The following GPHN variants were observed in gnomAD, a reference collection of about 807,000 sequenced individuals.
GPHN encodes gephyrin.
A neutral mutation model predicts 95.5 loss-of-function variants in GPHN; 17 were observed. The observed-to-expected ratio is 0.18, with a 90% CI of 0.12 to 0.27. The LOEUF is 0.27. Ranked by LOEUF, GPHN falls within the 10% of genes least tolerant of loss-of-function variation. GPHN has a pLI of 1.00. For missense variants in GPHN, 660 were observed against 978.1 expected, an observed-to-expected ratio of 0.67 and a Z score of 4.34; for synonymous variants, 320 against 322.5, an observed-to-expected ratio of 0.99 and a Z score of 0.08.
chr14:66,766,415 A>G (rs1252757719), intron 2 of GPHN, among the ~76,000 whole-genome samples: 1 of 152,286 alleles, frequency 6.6e-6, no homozygotes, highest in Middle Eastern at 3.4e-3. Flanking sequence ...TGAAAAAAAG[A>G]GAAAAACTAT....
the GPHN span, chr14:67,312,862 C>T: frequency 1.4e-4 from 83 of 575,996 alleles, no homozygotes; most frequent in East Asian, 5.5e-4. Flanking sequence ...GTACCTGCAG[C>T]GTAAGTATAT....
intron 5 of GPHN, among the ~76,000 whole-genome samples, chr14:66,899,141 T>C (rs978452258): frequency 1.1e-4 from 16 of 151,524 alleles, no homozygotes; most frequent in Non-Finnish European, 2.4e-4. Flanking sequence ...TTTTTTGTTT[T>C]TTGTTTTGTT....
At chr14:67,562,119 T>C in the GPHN span, 2 of 1,611,144 alleles carry the variant, frequency 1.2e-6, no homozygotes, top group East Asian at 4.5e-5. Flanking sequence ...AATGTGACTG[T>C]TTTTACCCGA....
chr14:67,574,431 A>T, the GPHN span: 15 of 1,474,072 alleles, frequency 1.0e-5, no homozygotes, highest in Non-Finnish European at 1.4e-5. This position sits in a 1 kb window ranked among gnomAD's most constrained non-coding sequence, Gnocchi z 4.2. Flanking sequence ...TAGGGCAGGA[A>T]CATGTGCCTC....
chr14:67,468,096 C>A, the GPHN span, among the ~76,000 whole-genome samples: 1 of 152,112 alleles, frequency 6.6e-6, no homozygotes, highest in Non-Finnish European at 1.5e-5. Context: ...GCCTCAGCCT[C>A]CCGAGTAGCT....
the GPHN span, among the ~76,000 whole-genome samples, chr14:67,316,564 T>C: frequency 6.6e-6 from 1 of 152,196 alleles, no homozygotes; most frequent in Non-Finnish European, 1.5e-5. Context: ...AATGAAACCT[T>C]TTAAAAAGTT....
intron 2 of GPHN, among the ~76,000 whole-genome samples, chr14:66,768,791 G>A (rs900473107): frequency 6.6e-6 from 1 of 151,916 alleles, no homozygotes; most frequent in African/African-American, 2.4e-5. Context: ...ACTCAGTAAA[G>A]GTAGAATATA....
intron 2 of GPHN, among the ~76,000 whole-genome samples, chr14:66,708,778 A>T (rs1698504787): frequency 6.6e-6 from 1 of 152,094 alleles, no homozygotes; most frequent in Non-Finnish European, 1.5e-5. Context: ...TTTTCACATG[A>T]CATGCTGGAC....
intron 9 of GPHN, among the ~76,000 whole-genome samples, chr14:66,982,022 A>G (rs1291658866): frequency 6.6e-6 from 1 of 152,336 alleles, no homozygotes; most frequent in Non-Finnish European, 1.5e-5. Context: ...ATGAATGTAT[A>G]TACCCAGTGA....
chr14:67,436,535 T>C, the GPHN span, among the ~76,000 whole-genome samples: 1 of 152,136 alleles, frequency 6.6e-6, no homozygotes, highest in East Asian at 1.9e-4. Flanking sequence ...CCTTTCCATA[T>C]GGAGACCAGG....
intron 1 of GPHN, among the ~76,000 whole-genome samples, chr14:66,670,417 C>A (rs2066239153): frequency 6.6e-6 from 1 of 152,164 alleles, no homozygotes; most frequent in African/African-American, 2.4e-5. Flanking sequence ...ATGCTATATT[C>A]ATGCATGTAT....
intron 1 of GPHN, among the ~76,000 whole-genome samples, chr14:66,528,408 C>G (rs2058776764): frequency 6.6e-6 from 1 of 152,152 alleles, no homozygotes. Context: ...GGTCTTGACT[C>G]TTTATCCAAT....
chr14:67,573,397 C>G, the GPHN span: 1 of 1,490,674 alleles, frequency 6.7e-7, no homozygotes, highest in Non-Finnish European at 9.4e-7. The surrounding 1 kb of genome is among the most constrained non-coding windows in gnomAD (Gnocchi z 4.8). Context: ...GTGAGAGTCT[C>G]CCCGCCCAGC....
chr14:67,268,559 A>G, the GPHN span, among the ~76,000 whole-genome samples: 3 of 152,232 alleles, frequency 2.0e-5, no homozygotes, highest in South Asian at 2.1e-4. Flanking sequence ...GGCAATTCGC[A>G]GAACTGAGGG....
the GPHN span, among the ~76,000 whole-genome samples, chr14:67,631,414 A>C: frequency 1.3e-5 from 2 of 148,832 alleles, no homozygotes; most frequent in African/African-American, 2.5e-5. Context: ...AAATTCCTCT[A>C]GTAAATCCTT....
chr14:66,701,879 C>T (rs1032343472), intron 2 of GPHN, among the ~76,000 whole-genome samples: 28 of 152,188 alleles, frequency 1.8e-4, no homozygotes, highest in Non-Finnish European at 4.4e-5. Flanking sequence ...CTCACGACTG[C>T]CTAGCATGCT....
At chr14:67,520,559 A>G in the GPHN span, among the ~76,000 whole-genome samples, 2 of 152,254 alleles carry the variant, frequency 1.3e-5, no homozygotes, top group Non-Finnish European at 2.9e-5. Context: ...GTCTGGATAT[A>G]CCACAGATTA....
the GPHN span, among the ~76,000 whole-genome samples, chr14:67,378,247 A>G: frequency 6.6e-6 from 1 of 151,430 alleles, no homozygotes; most frequent in Non-Finnish European, 1.5e-5. Context: ...ACCCAAGACC[A>G]TTAAGAGTCC....
Position 66,879,379 on chromosome 14 carries a change from G to GAAA in GPHN, c.295-552_295-550dup, listed in dbSNP as rs1374433957. Among the ~76,000 whole-genome samples, 5 of 143,480 alleles carry GAAA rather than the reference G, an allele frequency of 3.5e-5. 1 individual carries two copies. The highest frequency in any genetic ancestry group is 1.3e-4 in the African/African-American group (5 of 39,066). 94.1% of individuals were successfully genotyped at this position (143,480 alleles called of 152,430 possible). A position where few individuals can be genotyped will look rare whatever the true frequency, so the allele number is the denominator to read the frequency against. On this transcript the variant is annotated intron_variant, in intron 4 of 22. Coordinates refer to ENST00000478722, the MANE Select transcript of GPHN (RefSeq NM_020806.5). ...AAAAAAAAAAAAAGTGGAGAAATCT[G>GAAA]AAAAAAAAAAGACAGTTAATTTACA... is the stretch of plus-strand genomic sequence containing the variant.
Sources: allele counts gnomAD v4.1 joint callset (sites outside exome capture counted in the v4.1 genomes callset), GRCh38; gene constraint gnomAD v4.1.1; non-coding constraint Gnocchi (gnomAD v3.1); transcripts MANE v1.5; gene names NCBI Gene and HGNC (gene_info 2026-07-23, HGNC 2026-07-21).